The following CELF2 variants were observed in gnomAD, a reference collection of about 807,000 sequenced individuals.
The protein encoded by CELF2 is CUG triplet repeat RNA-binding protein 2.
In CELF2, 8 loss-of-function variants were observed where a neutral mutation model predicts 62.6. The observed-to-expected ratio is 0.13, with a 90% CI of 0.07 to 0.23. The LOEUF (loss-of-function observed/expected upper bound fraction) is 0.23, where lower values mean the gene tolerates loss of function less well. Ranked by LOEUF, CELF2 falls within the 10% of genes least tolerant of loss-of-function variation. The pLI, the probability that CELF2 is intolerant of heterozygous loss-of-function variation, is 1.00. For synonymous variants in CELF2, 258 were observed against 250.0 expected, an observed-to-expected ratio of 1.03 and a Z score of -0.30; for missense variants, 333 against 671.0, an observed-to-expected ratio of 0.50 and a Z score of 5.56.
the CELF2 span, among the ~76,000 whole-genome samples, chr10:10,722,985 T>C: frequency 2.0e-5 from 3 of 152,226 alleles, no homozygotes; most frequent in African/African-American, 7.2e-5. Flanking sequence ...ATTCATCTTA[T>C]TCGATTAAAA....
At chr10:11,199,749 T>A (rs2058792053) in intron 2 of CELF2, among the ~76,000 whole-genome samples, 1 of 152,258 alleles carries the variant, frequency 6.6e-6, no homozygotes. Flanking sequence ...TTTTTTATTC[T>A]ATGCAAAATC....
the CELF2 span, among the ~76,000 whole-genome samples, chr10:10,725,939 G>A: frequency 6.6e-6 from 1 of 151,100 alleles, no homozygotes; most frequent in East Asian, 1.9e-4. Context: ...AGAATTTCCA[G>A]CAATGATTAT....
intron 2 of CELF2, among the ~76,000 whole-genome samples, chr10:11,187,412 G>T (rs1219099751): frequency 3.3e-5 from 5 of 151,998 alleles, no homozygotes; most frequent in Admixed American, 3.3e-4. Flanking sequence ...GTATGTATCT[G>T]TCTATTTAAA....
At chr10:10,713,242 C>T in the CELF2 span, among the ~76,000 whole-genome samples, 2 of 152,216 alleles carry the variant, frequency 1.3e-5, no homozygotes. Context: ...CCTCTTTTCT[C>T]TTACTCATAA....
chr10:11,152,742 A>G (rs2132744233), intron 1 of CELF2, among the ~76,000 whole-genome samples: 1 of 152,318 alleles, frequency 6.6e-6, no homozygotes, highest in Middle Eastern at 3.4e-3. Flanking sequence ...TTGTGTCTTC[A>G]GAATGCATCA....
chr10:11,150,391 T>C (rs1263362475), intron 1 of CELF2, among the ~76,000 whole-genome samples: 1 of 152,236 alleles, frequency 6.6e-6, no homozygotes, highest in Non-Finnish European at 1.5e-5. Context: ...CGATCCACCT[T>C]GTTTTGAAAA....
intron 2 of CELF2, among the ~76,000 whole-genome samples, chr10:10,989,976 T>G (rs773323983): frequency 6.6e-6 from 1 of 152,150 alleles, no homozygotes; most frequent in Non-Finnish European, 1.5e-5. Context: ...CACTTGAGAA[T>G]AGCAAGCCAC....
the CELF2 span, among the ~76,000 whole-genome samples, chr10:10,674,847 A>G: frequency 1.4e-3 from 219 of 151,914 alleles, 1 homozygote; most frequent in African/African-American, 5.0e-3. Flanking sequence ...GCCAGTGTGA[A>G]TACCTTATAA....
intron 2 of CELF2, among the ~76,000 whole-genome samples, chr10:10,967,852 G>A (rs1406425627): frequency 6.6e-6 from 1 of 151,976 alleles, no homozygotes; most frequent in Non-Finnish European, 1.5e-5. Flanking sequence ...AAGTGTCTTG[G>A]GACAAATGTA....
chr10:10,754,701 G>T, the CELF2 span, among the ~76,000 whole-genome samples: 10 of 152,302 alleles, frequency 6.6e-5, no homozygotes, highest in African/African-American at 2.4e-4. Flanking sequence ...CAGTAATGTG[G>T]TGCCAAAAAT....
chr10:10,795,719 A>T (rs59752206), upstream of CELF2, among the ~76,000 whole-genome samples: 153 of 151,654 alleles, frequency 1.0e-3, no homozygotes, highest in African/African-American at 3.5e-3. Context: ...AGTATATGTA[A>T]ACATAAACAC....
rs2095187306 is a variant in CELF2, at chr10:11,318,277, C to T, written c.1097-2912C>T. The T allele has an allele frequency of 6.4e-6, 1 of 156,150 alleles. No individual in the cohort carries two copies. Among genetic ancestry groups the T allele is most frequent in the Admixed American group, 6.3e-5 (1 of 15,774 alleles). 9.7% of individuals were successfully genotyped at this position (156,150 alleles called of 1,614,324 possible). A position where few individuals can be genotyped will look rare whatever the true frequency, so the allele number is the denominator to read the frequency against. ...CGATAGTTGTGGTTTAAAATATTCT[C>T]AGTGTGCTGGTACTTGTTAGAACTT... On this transcript the variant is annotated intron_variant, in intron 10 of 12. Coordinates refer to ENST00000633077, the MANE Select transcript of CELF2 (RefSeq NM_001326342.2). The surrounding 1 kb of genome is among the most constrained non-coding windows in gnomAD (Gnocchi z 5.4).
the CELF2 span, among the ~76,000 whole-genome samples, chr10:10,499,941 A>G: frequency 2.8e-5 from 3 of 108,348 alleles, no homozygotes; most frequent in Non-Finnish European, 8.0e-5. Context: ...ACCATGACCT[A>G]GGACAATAGA....
chr10:10,645,770 C>A, the CELF2 span, among the ~76,000 whole-genome samples: 1 of 152,276 alleles, frequency 6.6e-6, no homozygotes, highest in Admixed American at 6.5e-5. Flanking sequence ...TGGTGGGGAA[C>A]AGGTACTCAA....
chr10:10,640,719 C>A, the CELF2 span, among the ~76,000 whole-genome samples: 14 of 152,300 alleles, frequency 9.2e-5, 1 homozygote, highest in East Asian at 2.7e-3. Context: ...TAAATCTGTG[C>A]ACCTTGTTAG....
chr10:11,102,752 C>G (rs1444861096), intron 1 of CELF2, among the ~76,000 whole-genome samples: 2 of 152,194 alleles, frequency 1.3e-5, no homozygotes, highest in East Asian at 3.8e-4. Context: ...CTCATTTCCC[C>G]CTTTCTTTCT....
the CELF2 span, among the ~76,000 whole-genome samples, chr10:10,530,645 T>G: frequency 2.0e-5 from 3 of 152,212 alleles, no homozygotes; most frequent in African/African-American, 4.8e-5. Context: ...CCCTCTTTGC[T>G]CTTTCCTCTT....
the CELF2 span, among the ~76,000 whole-genome samples, chr10:10,773,987 A>G: frequency 5.8e-4 from 88 of 152,326 alleles, no homozygotes; most frequent in Non-Finnish European, 8.5e-4. Flanking sequence ...CAGCAAAACA[A>G]TTCCCCACCA....
At chr10:11,236,193 T>G (rs1038932672) in intron 3 of CELF2, among the ~76,000 whole-genome samples, 2 of 152,226 alleles carry the variant, frequency 1.3e-5, no homozygotes, top group Non-Finnish European at 2.9e-5. Context: ...GCTTTTCCAT[T>G]GATTTCATGA....
Sources: allele counts gnomAD v4.1 joint callset (sites outside exome capture counted in the v4.1 genomes callset), GRCh38; gene constraint gnomAD v4.1.1; non-coding constraint Gnocchi (gnomAD v3.1); transcripts MANE v1.5; gene names NCBI Gene and HGNC (gene_info 2026-07-23, HGNC 2026-07-21).